TAOK3: variants seen among roughly 807,000 people sequenced by gnomAD.
TAOK3 encodes the protein serine/threonine-protein kinase TAO3.
Under a neutral mutation model 120.4 loss-of-function variants are expected in TAOK3, and 40 were observed. That is an observed-to-expected ratio of 0.33 (90% CI 0.26 to 0.43). TAOK3 has a LOEUF of 0.43. TAOK3 is among the 20% of genes least tolerant of loss of function. TAOK3 has a pLI of 1.00. For synonymous variants in TAOK3, 355 were observed against 387.5 expected, an observed-to-expected ratio of 0.92 and a Z score of 0.99; for missense variants, 821 against 1,112.1, an observed-to-expected ratio of 0.74 and a Z score of 3.72.
intron 13 of TAOK3, chr12:118,198,572 A>G: frequency 6.0e-6 from 1 of 167,912 alleles, no homozygotes; most frequent in Non-Finnish European, 1.3e-5. Context: ...TTTTTAGTAA[A>G]GACGGGGTTT....
intron 11 of TAOK3, among the ~76,000 whole-genome samples, chr12:118,204,666 G>A (rs374067802): frequency 1.3e-5 from 2 of 152,110 alleles, no homozygotes; most frequent in African/African-American, 2.4e-5. Context: ...AGAGCTAATC[G>A]GTTTTTAGTA....
chr12:118,363,783 A>C (rs531199893), intron 1 of TAOK3, among the ~76,000 whole-genome samples: 3 of 151,978 alleles, frequency 2.0e-5, no homozygotes, highest in Non-Finnish European at 4.4e-5. Context: ...AGAGACAGAC[A>C]GACAGACACA....
At chr12:118,213,589 C>G (rs1031175711) in intron 10 of TAOK3, among the ~76,000 whole-genome samples, 9 of 152,082 alleles carry the variant, frequency 5.9e-5, no homozygotes, top group African/African-American at 1.9e-4. Flanking sequence ...AATGTATGCT[C>G]TGTCTCAACA....
chr12:118,289,527 CTAAAA>C (rs1171471911), intron 1 of TAOK3, among the ~76,000 whole-genome samples: 1 of 151,796 alleles, frequency 6.6e-6, no homozygotes, highest in Non-Finnish European at 1.5e-5. Flanking sequence ...AAATCTTGAC[CTAAAA>C]TATGTTTCCA....
At chr12:118,261,326 AG>A (rs2041219216) in intron 2 of TAOK3, among the ~76,000 whole-genome samples, 1 of 152,236 alleles carries the variant, frequency 6.6e-6, no homozygotes, top group Admixed American at 6.5e-5. Context: ...AGATCCAAGA[AG>A]GTCCATGAAC....
At chr12:118,366,093 G>A (rs756425150) in intron 1 of TAOK3, among the ~76,000 whole-genome samples, 81 of 151,838 alleles carry the variant, frequency 5.3e-4, no homozygotes, top group Non-Finnish European at 7.9e-4. Flanking sequence ...GCGAAACCCC[G>A]TCTCTACTAA....
chr12:118,267,118 C>T (rs756306632), intron 1 of TAOK3, among the ~76,000 whole-genome samples: 4 of 152,184 alleles, frequency 2.6e-5, no homozygotes, highest in African/African-American at 9.6e-5. Flanking sequence ...TTTTGAATTG[C>T]TTTTCCAATA....
At chr12:118,267,800 G>A (rs1444730343) in intron 1 of TAOK3, among the ~76,000 whole-genome samples, 4 of 148,484 alleles carry the variant, frequency 2.7e-5, no homozygotes, top group Non-Finnish European at 4.4e-5. Flanking sequence ...CAGGAGAATC[G>A]CTTGAACCCA....
intron 19 of TAOK3, among the ~76,000 whole-genome samples, chr12:118,157,619 G>A (rs777390859): frequency 2.0e-5 from 3 of 152,196 alleles, no homozygotes; most frequent in Non-Finnish European, 4.4e-5. Context: ...CTGCTTTGCA[G>A]TCTGTTGGCA....
At chr12:118,212,556 A>G (rs353888) in intron 11 of TAOK3, among the ~76,000 whole-genome samples, 100,288 of 152,084 alleles carry the variant, frequency 0.66, 33,296 homozygotes, top group South Asian at 0.71. Flanking sequence ...TTGAACCACC[A>G]GCCAGCTCTG....
In TAOK3 at chr12:118,338,739, A is replaced by T. The variant is rs952806873; in HGVS notation, c.-194+33909T>A. On this transcript the variant is annotated intron_variant, in intron 1 of 20. Coordinates refer to ENST00000392533, the MANE Select transcript of TAOK3 (RefSeq NM_016281.4). ...GAGGCAGAGGTTGCAGTGAGCCAAG[A>T]TCGTGCCACTGCACTGCAGTGTGGT... Among the ~76,000 whole-genome samples the T allele has an allele frequency of 1.1e-3, 150 of 140,596 alleles. 1 individual carries two copies. Among genetic ancestry groups the T allele is most frequent in the African/African-American group, 3.6e-3 (137 of 38,168 alleles). 92.2% of individuals were successfully genotyped at this position (140,596 alleles called of 152,430 possible). A position where few individuals can be genotyped will look rare whatever the true frequency, so the allele number is the denominator to read the frequency against.
chr12:118,248,978 A>G (rs1472114422), intron 3 of TAOK3, among the ~76,000 whole-genome samples: 1 of 151,586 alleles, frequency 6.6e-6, no homozygotes, highest in African/African-American at 2.4e-5. Flanking sequence ...ATAGAAACTT[A>G]AAAAAAAATC....
At chr12:118,230,815 C>T (rs1379569120) in intron 9 of TAOK3, among the ~76,000 whole-genome samples, 3 of 151,982 alleles carry the variant, frequency 2.0e-5, no homozygotes, top group Non-Finnish European at 4.4e-5. Context: ...CGTTATAAGC[C>T]CTTTTTAAAA....
chr12:118,232,486 T>G (rs1354093900), intron 9 of TAOK3, among the ~76,000 whole-genome samples: 3 of 152,214 alleles, frequency 2.0e-5, no homozygotes, highest in Non-Finnish European at 4.4e-5. Flanking sequence ...TAATGGGAAC[T>G]CCCATAAAGG....
intron 1 of TAOK3, among the ~76,000 whole-genome samples, chr12:118,309,672 C>T (rs912824484): frequency 3.3e-5 from 5 of 151,974 alleles, no homozygotes; most frequent in East Asian, 2.0e-4. Context: ...CCTGCCACCA[C>T]GCCTGGCTAA....
At chr12:118,224,157 C>T (rs1337059654) in intron 9 of TAOK3, among the ~76,000 whole-genome samples, 1 of 152,186 alleles carries the variant, frequency 6.6e-6, no homozygotes, top group Non-Finnish European at 1.5e-5. Flanking sequence ...AGTAACAAAA[C>T]CAAATCACAT....
At chr12:118,239,413 C>T (rs1420339832) in intron 5 of TAOK3, 141 bp from the exon 6 acceptor site, 4 of 554,872 alleles carry the variant, frequency 7.2e-6, no homozygotes, top group Non-Finnish European at 1.3e-5. Context: ...GAATTTTTGT[C>T]ATCTGGCACT....
chr12:118,333,835 A>T (rs767657340), intron 1 of TAOK3, among the ~76,000 whole-genome samples: 29 of 120,774 alleles, frequency 2.4e-4, no homozygotes, highest in South Asian at 1.3e-3. Flanking sequence ...GGTATTTTAT[A>T]AAAAAAAAAA....
At chr12:118,369,738 G>A (rs899115431) in intron 1 of TAOK3, among the ~76,000 whole-genome samples, 1 of 150,916 alleles carries the variant, frequency 6.6e-6, no homozygotes, top group Non-Finnish European at 1.5e-5. Flanking sequence ...TAGCATTCTG[G>A]AAAAATAAAT....
Sources: allele counts gnomAD v4.1 joint callset (sites outside exome capture counted in the v4.1 genomes callset), GRCh38; gene constraint gnomAD v4.1.1; transcripts MANE v1.5; gene names NCBI Gene and HGNC (gene_info 2026-07-23, HGNC 2026-07-21).